IGF1: variants seen among roughly 807,000 people sequenced by gnomAD.
IGF1 encodes insulin-like growth factor 1.
In IGF1, 4 loss-of-function variants were observed where a neutral mutation model predicts 13.8. That is an observed-to-expected ratio of 0.29 (90% confidence interval 0.14 to 0.66). The LOEUF is 0.66. Among genes scored for constraint, IGF1 ranks in the 30% least tolerant of loss-of-function variants. The pLI is 0.78. For synonymous variants in IGF1, 76 were observed against 72.6 expected (o/e 1.05, Z -0.23); for missense variants, 124 against 188.5 (o/e 0.66, Z 2.00).
chr12:102,433,311 G>GA (rs892244356), intron 2 of IGF1, among the ~76,000 whole-genome samples: 3 of 152,044 alleles, frequency 2.0e-5, no homozygotes, highest in Admixed American at 1.3e-4. Context: ...TAACAACACA[G>GA]AAAAAAACAG....
intron 2 of IGF1, among the ~76,000 whole-genome samples, chr12:102,465,131 T>A (rs759783944): frequency 2.0e-5 from 3 of 152,220 alleles, no homozygotes; most frequent in Non-Finnish European, 4.4e-5. Flanking sequence ...AGCAACATGC[T>A]TTTCTTTTTT....
At chr12:102,458,979 C>T (rs1879679173) in intron 2 of IGF1, among the ~76,000 whole-genome samples, 1 of 152,070 alleles carries the variant, frequency 6.6e-6, no homozygotes, top group South Asian at 2.1e-4. Context: ...ATGACTACAG[C>T]AAGTCATGCA....
rs1464821420 is a variant in IGF1 at position 102,400,061 on chromosome 12, T to C, written c.*2446A>G. 1.3e-5 allele frequency: 2 copies of C among 151,978 alleles called. No homozygotes were observed. Among genetic ancestry groups the C allele is most frequent in the Non-Finnish European group, 2.9e-5 (2 of 68,010 alleles). 9.4% of individuals were successfully genotyped at this position (151,978 alleles called of 1,614,324 possible). On this transcript the variant is annotated 3_prime_UTR_variant, in exon 4 of 4. Transcript: ENST00000337514. Reference sequence around the variant, plus strand: ...TTGGACTGAGAGTTAAAATACTTGTTGACTGAACAGGATTGCTGGCTCCAC... The same window carrying C: ...TTGGACTGAGAGTTAAAATACTTGTCGACTGAACAGGATTGCTGGCTCCAC...
At chr12:102,459,345 A>C (rs1346823545) in intron 2 of IGF1, among the ~76,000 whole-genome samples, 1 of 152,156 alleles carries the variant, frequency 6.6e-6, no homozygotes, top group African/African-American at 2.4e-5. Context: ...ATTGCTTTGG[A>C]AAGATTAATC....
chr12:102,402,422 GGT>G lies in IGF1; in HGVS notation c.*83_*84del. 1 of 777,380 alleles carries G rather than the reference GGT, an allele frequency of 1.3e-6. No individual in the cohort carries two copies. Among genetic ancestry groups the G allele is most frequent in the Non-Finnish European group, 2.4e-6 (1 of 416,540 alleles). 48.2% of individuals were successfully genotyped at this position (777,380 alleles called of 1,614,324 possible). On this transcript the variant is annotated 3_prime_UTR_variant, in exon 4 of 4. Transcript: ENST00000337514. ...ATGTTATCAAACTTATTTTTTGGTAGGTGTTCCAAAGTTTAACAGGTAACTCG... is the reference window on the plus strand; with the variant it reads ...ATGTTATCAAACTTATTTTTTGGTAGGTTCCAAAGTTTAACAGGTAACTCG...
intron 2 of IGF1, among the ~76,000 whole-genome samples, chr12:102,454,123 T>C (rs1879186753): frequency 6.6e-6 from 1 of 152,234 alleles, no homozygotes; most frequent in Admixed American, 6.5e-5. Flanking sequence ...ACATACTCCT[T>C]ACTTTGCTGT....
At chr12:102,426,925 T>G (rs1214848264) in intron 2 of IGF1, among the ~76,000 whole-genome samples, 1 of 152,160 alleles carries the variant, frequency 6.6e-6, no homozygotes, top group Non-Finnish European at 1.5e-5. Flanking sequence ...GACATTCTTT[T>G]TATTCACTGA....
chr12:102,449,894 A>G (rs1452460009), intron 2 of IGF1, among the ~76,000 whole-genome samples: 2 of 151,968 alleles, frequency 1.3e-5, no homozygotes, highest in African/African-American at 4.8e-5. Flanking sequence ...TGAAGCACAA[A>G]TGTGCGTAGG....
chr12:102,461,195 G>T (rs1879870291), intron 2 of IGF1, among the ~76,000 whole-genome samples: 2 of 152,098 alleles, frequency 1.3e-5, no homozygotes, highest in Admixed American at 6.6e-5. Context: ...CACTTTACCT[G>T]CCCTGCTGTG....
At chr12:102,465,978 AAT>A (rs1457772251) in intron 2 of IGF1, among the ~76,000 whole-genome samples, 1 of 147,154 alleles carries the variant, frequency 6.8e-6, no homozygotes, top group Non-Finnish European at 1.5e-5. Flanking sequence ...TAAATAAATA[AAT>A]AAATAAAGAT....
chr12:102,414,461 AC>A, intron 3 of IGF1, among the ~76,000 whole-genome samples: 1 of 152,168 alleles, frequency 6.6e-6, no homozygotes, highest in Admixed American at 6.5e-5. Context: ...TCACTCTGTC[AC>A]CCAAGCTGGG....
At chr12:102,437,518 T>G (rs1172194303) in intron 2 of IGF1, among the ~76,000 whole-genome samples, 1 of 152,230 alleles carries the variant, frequency 6.6e-6, no homozygotes. Context: ...TCCAAACTAA[T>G]GTCAAAAGAC....
chr12:102,456,222 GT>G (rs1879387731), intron 2 of IGF1, among the ~76,000 whole-genome samples: 1 of 3,108 alleles, frequency 3.2e-4, no homozygotes, highest in Non-Finnish European at 7.3e-4. Flanking sequence ...TTTAAAAAAG[GT>G]GTGTGTGTGT....
At chr12:102,480,637 T>C, upstream of IGF1, 1 of 1,339,284 alleles carries the variant, frequency 7.5e-7, no homozygotes, top group South Asian at 1.6e-5. Context: ...TGGGGGAACA[T>C]TTGCCTTCTC....
chr12:102,446,927 T>G (rs1466536162), intron 2 of IGF1, among the ~76,000 whole-genome samples: 1 of 152,228 alleles, frequency 6.6e-6, no homozygotes, highest in Non-Finnish European at 1.5e-5. Context: ...ATTTTGTCTT[T>G]TTTTTCTTAC....
intron 2 of IGF1, among the ~76,000 whole-genome samples, chr12:102,421,021 C>T (rs945187312): frequency 6.6e-6 from 1 of 152,212 alleles, no homozygotes; most frequent in African/African-American, 2.4e-5. Context: ...GGAGATCAGG[C>T]CCATGGTAAT....
At chr12:102,415,564 T>TTCCTTCCTTCCTTCCG (rs1875049349) in intron 3 of IGF1, 6 of 140,882 alleles carry the variant, frequency 4.3e-5, no homozygotes, top group African/African-American at 1.1e-4. Context: ...CCTTCCTTCC[T>TTCCTTCCTTCCTTCCG]TCCTTCCTTC....
At chr12:102,416,734 C>G (rs1365315009) in intron 3 of IGF1, among the ~76,000 whole-genome samples, 2 of 152,094 alleles carry the variant, frequency 1.3e-5, no homozygotes, top group East Asian at 3.9e-4. Context: ...TTTCTAGGAG[C>G]TGTAATCAAA....
intron 3 of IGF1, among the ~76,000 whole-genome samples, chr12:102,404,762 T>TG (rs1873991146): frequency 4.2e-5 from 1 of 23,606 alleles, no homozygotes; most frequent in Non-Finnish European, 9.1e-5. Context: ...TTTTTTTTGT[T>TG]GTTTTTTTTT....
Sources: allele counts gnomAD v4.1 joint callset (sites outside exome capture counted in the v4.1 genomes callset), GRCh38; gene constraint gnomAD v4.1.1; transcripts MANE v1.5; gene names NCBI Gene and HGNC (gene_info 2026-07-23, HGNC 2026-07-21).